Variants in WWTR1 observed in about 807,000 individuals in gnomAD.
The protein encoded by WWTR1 is WW domain containing transcription regulator 1, also known as WW domain-containing transcription regulator protein 1.
In WWTR1, 13 loss-of-function variants were observed where a neutral mutation model predicts 40.1. The observed-to-expected ratio is 0.32, with a 90% CI of 0.21 to 0.52. The LOEUF (loss-of-function observed/expected upper bound fraction) is 0.52. Ranked by LOEUF, WWTR1 falls within the 20% of genes least tolerant of loss-of-function variation. The pLI is 0.97. For synonymous variants in WWTR1, 230 were observed against 210.1 expected (o/e 1.09, Z -0.82); for missense variants, 436 against 523.1 (o/e 0.83, Z 1.63).
intron 5 of WWTR1, among the ~76,000 whole-genome samples, chr3:149,527,521 C>G (rs1185366282): frequency 6.6e-6 from 1 of 152,118 alleles, no homozygotes; most frequent in Non-Finnish European, 1.5e-5. Context: ...TTACATAAAA[C>G]CAGAAGATTC....
chr3:149,699,520 C>T (rs536224032), intron 1 of WWTR1, among the ~76,000 whole-genome samples: 1 of 152,144 alleles, frequency 6.6e-6, no homozygotes, highest in African/African-American at 2.4e-5. Flanking sequence ...CTTGAACTCC[C>T]AACCTCAGGT....
At chr3:149,614,361 A>G (rs183533096) in intron 2 of WWTR1, among the ~76,000 whole-genome samples, 2 of 152,296 alleles carry the variant, frequency 1.3e-5, no homozygotes, top group Non-Finnish European at 1.5e-5. Context: ...TTGAATACCT[A>G]CAGTATTCAG....
chr3:149,703,825 TCACC>T, upstream of WWTR1, among the ~76,000 whole-genome samples: 1 of 152,200 alleles, frequency 6.6e-6, no homozygotes, highest in South Asian at 2.1e-4. Context: ...CAGCTCCCCT[TCACC>T]TTCTGCCATG....
At chr3:149,624,395 G>A (rs1482748972) in intron 2 of WWTR1, among the ~76,000 whole-genome samples, 1 of 152,186 alleles carries the variant, frequency 6.6e-6, no homozygotes, top group African/African-American at 2.4e-5. Context: ...GCCTCACTTG[G>A]TTCATGCACC....
intron 4 of WWTR1, among the ~76,000 whole-genome samples, chr3:149,721,269 A>C (rs936041986): frequency 6.6e-6 from 1 of 151,614 alleles, no homozygotes; most frequent in Non-Finnish European, 1.5e-5. Flanking sequence ...ATGTTGAGTT[A>C]GTTTCCTTCT....
rs540791363 is a variant in WWTR1, at chr3:149,691,095, A to T, written c.-108+12029T>A. Among the ~76,000 whole-genome samples the T allele has an allele frequency of 5.7e-3, 866 of 152,096 alleles. 3 individuals are homozygous for T. Among genetic ancestry groups the T allele is most frequent in the Middle Eastern group, 0.024 (7 of 292 alleles). ...ATTTAAAATTTAAAAATTTTTTTTTAAAAGAAAAAATTTCTTGAAACAAAT... is the reference window on the plus strand; with the variant it reads ...ATTTAAAATTTAAAAATTTTTTTTTTAAAGAAAAAATTTCTTGAAACAAAT... On this transcript the variant is annotated intron_variant, in intron 1 of 7. Transcript: ENST00000465804.
chr3:149,664,631 C>G (rs6440630), intron 2 of WWTR1, among the ~76,000 whole-genome samples: 29,269 of 151,018 alleles, frequency 0.19, 3,080 homozygotes, highest in Admixed American at 0.3. Flanking sequence ...TCCTGTTGCC[C>G]AGGCTGTAGT....
chr3:149,715,039 C>T (rs887112060), intron 5 of WWTR1, among the ~76,000 whole-genome samples: 5 of 152,176 alleles, frequency 3.3e-5, no homozygotes, highest in African/African-American at 7.2e-5. Context: ...TGGAAAGAAG[C>T]TGCCCACTGC....
At chr3:149,618,956 A>G (rs1740135245) in intron 2 of WWTR1, among the ~76,000 whole-genome samples, 2 of 152,186 alleles carry the variant, frequency 1.3e-5, no homozygotes, top group Admixed American at 6.5e-5. Context: ...AGATACCCAG[A>G]GACGTTCAAC....
intron 4 of WWTR1, among the ~76,000 whole-genome samples, chr3:149,530,377 T>A (rs896721141): frequency 6.6e-6 from 1 of 151,508 alleles, no homozygotes; most frequent in East Asian, 1.9e-4. Flanking sequence ...ACAAGTTGAA[T>A]CTGCAATTTC....
At chr3:149,575,471 A>G (rs1737837273) in intron 2 of WWTR1, among the ~76,000 whole-genome samples, 1 of 152,252 alleles carries the variant, frequency 6.6e-6, no homozygotes, top group African/African-American at 2.4e-5. Context: ...CCAGAAGGAA[A>G]AGAATCCTTC....
chr3:149,565,738 C>T (rs1737288694), intron 3 of WWTR1, among the ~76,000 whole-genome samples: 1 of 150,196 alleles, frequency 6.7e-6, no homozygotes, highest in African/African-American at 2.5e-5. Context: ...ACAGAGAAAC[C>T]CCGTCTCTAC....
intron 2 of WWTR1, among the ~76,000 whole-genome samples, chr3:149,653,348 T>C (rs1713008844): frequency 1.3e-5 from 2 of 152,218 alleles, no homozygotes; most frequent in African/African-American, 4.8e-5. Flanking sequence ...ATTCATGAGA[T>C]TGAGAGGACA....
chr3:149,529,010 G>C (rs1276744738), intron 4 of WWTR1, among the ~76,000 whole-genome samples: 1 of 152,200 alleles, frequency 6.6e-6, no homozygotes, highest in Non-Finnish European at 1.5e-5. Context: ...ACTTTCTCTA[G>C]GTATAATCTC....
At position 149,531,653 on chromosome 3, in the gene WWTR1, C is replaced by T. The variant is rs530832432; in HGVS notation, c.772-3684G>A. ...TCACTTAACGCCTGCCTCCTACAGA[C>T]GCCATCTCTTCAGAGATGCTCCTAC... is the stretch of plus-strand genomic sequence containing the variant. On this transcript the variant is annotated intron_variant, in intron 4 of 6. Coordinates refer to ENST00000360632, the MANE Select transcript of WWTR1 (RefSeq NM_015472.6). 7.9e-5 allele frequency among the ~76,000 whole-genome samples: 12 copies of T among 152,112 alleles called. No homozygotes were observed. The East Asian group carries it at 1.2e-3, about 15-fold the overall frequency.
Position 149,650,870 on chromosome 3 carries a change from C to T in WWTR1, c.431+6006G>A, listed in dbSNP as rs76759064. ...TTAAACTTAAAACTGACTTTCAACT[C>T]CAGATCCAGGTTGTCCCTCAAAGCT... On this transcript the variant is annotated intron_variant, in intron 2 of 6. Coordinates refer to ENST00000360632, the MANE Select transcript of WWTR1 (RefSeq NM_015472.6). Among the ~76,000 whole-genome samples, 227 of 152,338 alleles carry T rather than the reference C, an allele frequency of 1.5e-3. 7 individuals carry two copies. In the East Asian group the frequency reaches 0.039, roughly 26 times the overall value.
chr3:149,714,501 C>A (rs1715552718), intron 5 of WWTR1, among the ~76,000 whole-genome samples: 1 of 152,268 alleles, frequency 6.6e-6, no homozygotes, highest in South Asian at 2.1e-4. Context: ...TGTGCGCAGG[C>A]TCAGGGCACC....
At chr3:149,580,609 TTTTG>T (rs568420795) in intron 2 of WWTR1, among the ~76,000 whole-genome samples, 12 of 152,136 alleles carry the variant, frequency 7.9e-5, no homozygotes, top group Non-Finnish European at 1.3e-4. Flanking sequence ...AGATTAGGTT[TTTTG>T]TTTGTTTGTT....
chr3:149,665,256 T>C (rs964044500), intron 2 of WWTR1, among the ~76,000 whole-genome samples: 4 of 146,710 alleles, frequency 2.7e-5, no homozygotes, highest in African/African-American at 1.0e-4. Context: ...AGACAGAGTC[T>C]TGCTCTGTCA....
Sources: allele counts gnomAD v4.1 joint callset (sites outside exome capture counted in the v4.1 genomes callset), GRCh38; gene constraint gnomAD v4.1.1; transcripts MANE v1.5; gene names NCBI Gene and HGNC (gene_info 2026-07-23, HGNC 2026-07-21).